Variants in SLC44A5 observed in about 807,000 individuals in gnomAD.
SLC44A5 encodes the protein solute carrier family 44 member 5.
SLC44A5 carries 57 observed loss-of-function variants against 101.8 expected under a neutral mutation model. The observed-to-expected ratio is 0.56, with a 90% confidence interval of 0.45 to 0.70. The LOEUF is 0.70. Among genes scored for constraint, SLC44A5 ranks in the 30% least tolerant of loss-of-function variants. The probability of loss-of-function intolerance (pLI) is 0.00; values close to 1 mark genes in which losing one functional copy is unlikely to be tolerated. For synonymous variants in SLC44A5, 281 were observed against 290.9 expected, an observed-to-expected ratio of 0.97 and a Z score of 0.35; for missense variants, 737 against 853.1, an observed-to-expected ratio of 0.86 and a Z score of 1.70.
chr1:75,477,748 T>G, intron 2 of SLC44A5, among the ~76,000 whole-genome samples: 1 of 152,248 alleles, frequency 6.6e-6, no homozygotes, highest in African/African-American at 2.4e-5. Flanking sequence ...AATATGGGAC[T>G]ATGTGAAAAG....
chr1:75,375,922 G>A (rs924870972), intron 3 of SLC44A5, among the ~76,000 whole-genome samples: 4 of 152,170 alleles, frequency 2.6e-5, no homozygotes, highest in African/African-American at 9.7e-5. Flanking sequence ...TCCATCTGAG[G>A]TACCGGGTTC....
At chr1:75,602,458 G>T (rs1675035181) in intron 1 of SLC44A5, among the ~76,000 whole-genome samples, 1 of 152,046 alleles carries the variant, frequency 6.6e-6, no homozygotes, top group South Asian at 2.1e-4. Flanking sequence ...ATTGTGGAGG[G>T]GTGTATTCCA....
rs550839121 is a variant in SLC44A5 at position 75,542,565 on chromosome 1, C to T, written c.-69-1049G>A. Among the ~76,000 whole-genome samples, 22 of 152,112 alleles carry T rather than the reference C, an allele frequency of 1.4e-4. No homozygotes were observed. The South Asian group carries it at 4.6e-3, about 32-fold the overall frequency. ...ATTTTATGGGTCAAAAAGGTAGTCT[C>T]TCATTTTAAATTGCTTTTTTGTAGT... On this transcript the variant is annotated intron_variant, in intron 1 of 23. Transcript: ENST00000370859.
the SLC44A5 span, among the ~76,000 whole-genome samples, chr1:75,692,974 G>A: frequency 3.3e-5 from 5 of 152,128 alleles, no homozygotes; most frequent in South Asian, 4.1e-4. Flanking sequence ...CAAGACTGTT[G>A]AAGGTATATG....
At chr1:75,486,354 A>C (rs1668148710) in intron 2 of SLC44A5, among the ~76,000 whole-genome samples, 1 of 152,036 alleles carries the variant, frequency 6.6e-6, no homozygotes, top group Admixed American at 6.6e-5. Flanking sequence ...GTGTAGAGGG[A>C]GTGATATTGA....
chr1:75,684,425 G>A, the SLC44A5 span, among the ~76,000 whole-genome samples: 228 of 152,236 alleles, frequency 1.5e-3, no homozygotes, highest in African/African-American at 5.3e-3. Context: ...AGTCTCATCT[G>A]AAACAAGGCA....
At chr1:75,233,666 G>T (rs1647801947) in intron 12 of SLC44A5, among the ~76,000 whole-genome samples, 1 of 152,072 alleles carries the variant, frequency 6.6e-6, no homozygotes, top group Non-Finnish European at 1.5e-5. Context: ...AGAAATAAAA[G>T]AAGTTGTCTG....
rs538664207 is a variant in SLC44A5, at chr1:75,383,492, G to A, written c.52+13091C>T. 1.6e-3 allele frequency among the ~76,000 whole-genome samples: 237 copies of A among 152,274 alleles called. 1 individual carries two copies. The highest frequency in any genetic ancestry group is 5.2e-3 in the African/African-American group (218 of 41,546). Reference sequence around the variant, plus strand: ...TGAAATGAATGAAATGAAGCGAGAAGGGAAGTTTAGAGAAAAAAGAATAAA... The same window carrying A: ...TGAAATGAATGAAATGAAGCGAGAAAGGAAGTTTAGAGAAAAAAGAATAAA... On this transcript the variant is annotated intron_variant, in intron 3 of 23. Transcript: ENST00000370859.
intron 22 of SLC44A5, among the ~76,000 whole-genome samples, chr1:75,212,407 A>G (rs983741189): frequency 1.3e-5 from 2 of 151,988 alleles, no homozygotes; most frequent in African/African-American, 2.4e-5. Flanking sequence ...TGTGTACTCA[A>G]TATTTACCTA....
At chr1:75,384,565 G>A (rs1198361395) in intron 3 of SLC44A5, among the ~76,000 whole-genome samples, 5 of 93,436 alleles carry the variant, frequency 5.4e-5, no homozygotes, top group Admixed American at 3.9e-4. Flanking sequence ...AGCAAGTCCT[G>A]AGTGACCTAC....
At chr1:75,259,797 A>G (rs112970283) in intron 6 of SLC44A5, among the ~76,000 whole-genome samples, 7,040 of 152,236 alleles carry the variant, frequency 0.046, 598 homozygotes, top group African/African-American at 0.16. Context: ...CAGGTTACCC[A>G]CAACGGGAAG....
At chr1:75,657,792 A>G in the SLC44A5 span, among the ~76,000 whole-genome samples, 1 of 152,134 alleles carries the variant, frequency 6.6e-6, no homozygotes, top group African/African-American at 2.4e-5. Flanking sequence ...TTAATAGATC[A>G]AAAGGAAGAA....
Position 75,203,837 on chromosome 1 carries a change from G to T in SLC44A5, c.2048-4C>A. The T allele has an allele frequency of 6.5e-7, 1 of 1,547,798 alleles. No homozygotes were observed. Among genetic ancestry groups the T allele is most frequent in the South Asian group, 1.2e-5 (1 of 83,254 alleles). ...TCATTTCTTTCTAAATCTTCCACTA[G>T]GAGGAAGAATGGTACAGAGTAAATA... On this transcript the variant is annotated splice_region_variant and splice_polypyrimidine_tract_variant and intron_variant, in intron 23 of 23. Coordinates refer to ENST00000370859, the MANE Select transcript of SLC44A5 (RefSeq NM_001130058.2).
chr1:75,669,952 C>A, the SLC44A5 span, among the ~76,000 whole-genome samples: 2 of 152,078 alleles, frequency 1.3e-5, no homozygotes, highest in Non-Finnish European at 2.9e-5. Flanking sequence ...AGGGGAAAAA[C>A]AAATATGGAA....
chr1:75,555,028 CAAAT>C (rs1672142488), intron 1 of SLC44A5, among the ~76,000 whole-genome samples: 1 of 151,742 alleles, frequency 6.6e-6, no homozygotes, highest in South Asian at 2.1e-4. Context: ...AGAATGAAAA[CAAAT>C]AAAGACAGTA....
intron 2 of SLC44A5, among the ~76,000 whole-genome samples, chr1:75,430,235 C>T (rs1421287813): frequency 1.3e-5 from 2 of 152,014 alleles, no homozygotes; most frequent in Non-Finnish European, 1.5e-5. Flanking sequence ...CCTTTCCATC[C>T]CTTTTACCAC....
At chr1:75,394,429 A>AT (rs917958228) in intron 3 of SLC44A5, among the ~76,000 whole-genome samples, 24 of 152,088 alleles carry the variant, frequency 1.6e-4, no homozygotes, top group African/African-American at 5.3e-4. Flanking sequence ...TTAATTGATC[A>AT]TTTTTTTTAA....
At position 75,555,203 on chromosome 1, in the gene SLC44A5, A is replaced by G. The variant is rs545939187; in HGVS notation, c.-69-13687T>C. 3.3e-5 allele frequency among the ~76,000 whole-genome samples: 5 copies of G among 152,298 alleles called. No homozygotes were observed. The East Asian group carries it at 9.6e-4, about 29-fold the overall frequency. ...CATACTAAATAATGTTAATTTATAT[A>G]AAAGTTTAAATCAGACAAAACCACT... On this transcript the variant is annotated intron_variant, in intron 1 of 23. Transcript: ENST00000370859.
intron 3 of SLC44A5, among the ~76,000 whole-genome samples, chr1:75,383,560 A>G (rs1661063665): frequency 1.3e-5 from 2 of 152,276 alleles, no homozygotes; most frequent in African/African-American, 4.8e-5. Context: ...ACTATGTGAA[A>G]AGACCAAATC....
Sources: allele counts gnomAD v4.1 joint callset (sites outside exome capture counted in the v4.1 genomes callset), GRCh38; gene constraint gnomAD v4.1.1; transcripts MANE v1.5; gene names NCBI Gene and HGNC (gene_info 2026-07-23, HGNC 2026-07-21).